The following TMC2 variants were observed in gnomAD, a reference collection of about 807,000 sequenced individuals.
TMC2 encodes transmembrane channel like 2.
TMC2 carries 102 observed loss-of-function variants against 105.9 expected under a neutral mutation model. The ratio of observed to expected loss-of-function variants is 0.96; its 90% CI spans 0.82 to 1.14. The LOEUF is 1.14. TMC2 is among the 50% of genes most tolerant of loss of function. The probability of loss-of-function intolerance (pLI) is 0.00; values close to 1 mark genes in which losing one functional copy is unlikely to be tolerated. For missense variants in TMC2, 1,093 were observed against 1,134.3 expected (o/e 0.96, Z 0.52); for synonymous variants, 402 against 422.8 (o/e 0.95, Z 0.60).
At chr20:2,605,122 T>C (rs1439958651) in intron 11 of TMC2, among the ~76,000 whole-genome samples, 1 of 152,178 alleles carries the variant, frequency 6.6e-6, no homozygotes, top group African/African-American at 2.4e-5. Context: ...GTGCTCACTC[T>C]GATTAGTGTC....
Position 2,572,223 on chromosome 20 carries a change from AG to A in TMC2, c.603del (p.Gly203AlafsTer10). The A allele has an allele frequency of 3.1e-6, 5 of 1,613,590 alleles. No individual in the cohort carries two copies. Among genetic ancestry groups the A allele is most frequent in the Non-Finnish European group, 3.4e-6 (4 of 1,179,836 alleles). ...FVEKYEGALG[K>X]GKGKQLYAYK... ...GAGAAGTATGAAGGTGCCTTGGGAA[AG>A]GGGAAAGGCAAGCAACTATATGCCT... On this transcript the variant is annotated frameshift_variant, in exon 5 of 20. Transcript: ENST00000358864. LOFTEE classifies it high-confidence loss of function.
At position 2,643,322 on chromosome 20, in the gene TMC2, C is replaced by T. The variant is rs79477844; in HGVS notation, c.*1971C>T. On this transcript the variant is annotated 3_prime_UTR_variant, in exon 20 of 20. Transcript: ENST00000358864. Reference sequence around the variant, plus strand: ...CCCAAAGATGGCCACCACACCAACACCTGGCCTTCTGCATCAGAATGCCAG... The same window carrying T: ...CCCAAAGATGGCCACCACACCAACATCTGGCCTTCTGCATCAGAATGCCAG... Among the ~76,000 whole-genome samples, 7 of 152,176 alleles carry T rather than the reference C, an allele frequency of 4.6e-5. No homozygotes were observed. The highest frequency in any genetic ancestry group is 1.7e-4 in the African/African-American group (7 of 41,410).
At chr20:2,622,367 C>T (rs2086531297) in intron 16 of TMC2, among the ~76,000 whole-genome samples, 1 of 152,092 alleles carries the variant, frequency 6.6e-6, no homozygotes, top group African/African-American at 2.4e-5. Flanking sequence ...GCTCACAGAC[C>T]ATATGAAAAC....
chr20:2,627,600 C>A (rs2086573461), intron 17 of TMC2, among the ~76,000 whole-genome samples: 1 of 152,134 alleles, frequency 6.6e-6, no homozygotes, highest in African/African-American at 2.4e-5. Flanking sequence ...CAGGGAGAAA[C>A]CCTGGAGGAA....
intron 7 of TMC2, among the ~76,000 whole-genome samples, chr20:2,587,299 G>A (rs1758949070): frequency 6.6e-6 from 1 of 152,122 alleles, no homozygotes. Flanking sequence ...AGATTGTTAT[G>A]TGGTGAATTA....
intron 17 of TMC2, 127 bp downstream of exon 17, chr20:2,624,523 G>A: frequency 8.6e-7 from 1 of 1,157,190 alleles, no homozygotes. Flanking sequence ...CCATGACAAG[G>A]ATTCAAGTGT....
intron 7 of TMC2, among the ~76,000 whole-genome samples, chr20:2,590,327 C>G (rs957034279): frequency 1.3e-5 from 2 of 152,058 alleles, no homozygotes; most frequent in African/African-American, 2.4e-5. Flanking sequence ...AGGGGCTTAT[C>G]CAGGGTACTA....
chr20:2,583,151 TATG>T lies in TMC2; in HGVS notation c.834+3098_834+3100del, dbSNP rs1189285668. 2.6e-5 allele frequency among the ~76,000 whole-genome samples: 4 copies of T among 152,250 alleles called. No individual in the cohort carries two copies. The South Asian group carries it at 8.3e-4, about 31-fold the overall frequency. On this transcript the variant is annotated intron_variant, in intron 7 of 19. Coordinates refer to ENST00000358864, the MANE Select transcript of TMC2 (RefSeq NM_080751.3). ...AAAGCTTCTGTGGAAAGCAGATTTC[TATG>T]ATAACCTCCAATGATCCTTCTCTCC...
chr20:2,593,791 CT>C (rs1351312338), intron 8 of TMC2, among the ~76,000 whole-genome samples: 2 of 152,146 alleles, frequency 1.3e-5, no homozygotes, highest in African/African-American at 4.8e-5. Context: ...GACCCTGTCA[CT>C]CCCCTACCTC....
chr20:2,557,238 C>T (rs779238945), intron 2 of TMC2, among the ~76,000 whole-genome samples: 19 of 152,152 alleles, frequency 1.2e-4, no homozygotes, highest in Admixed American at 2.0e-4. Flanking sequence ...GAAATTGTCC[C>T]ACAGTTTGGG....
At chr20:2,587,956 A>G (rs1022749332) in intron 7 of TMC2, among the ~76,000 whole-genome samples, 2 of 151,862 alleles carry the variant, frequency 1.3e-5, no homozygotes, top group Non-Finnish European at 2.9e-5. Flanking sequence ...TGCTTTTTGT[A>G]TATGTGGTAG....
intron 1 of TMC2, 114 bp downstream of exon 1, chr20:2,536,769 C>A: frequency 8.5e-7 from 1 of 1,183,298 alleles, no homozygotes; most frequent in Non-Finnish European, 1.2e-6. Flanking sequence ...GGGTTTGAGT[C>A]CAGGGCCTGT....
chr20:2,575,764 C>A (rs926146393), intron 5 of TMC2, among the ~76,000 whole-genome samples: 3 of 144,074 alleles, frequency 2.1e-5, no homozygotes, highest in Admixed American at 1.5e-4. Flanking sequence ...CTCTTTGCTT[C>A]TTTCTCTTTG....
At chr20:2,641,071 A>C in intron 19 of TMC2, 63 bp from the exon 20 acceptor site, 1 of 1,446,786 alleles carries the variant, frequency 6.9e-7, no homozygotes, top group South Asian at 1.2e-5. Context: ...GACTCCAGAG[A>C]GCTCCAATCC....
In TMC2 at chr20:2,603,224, TA is replaced by T. The variant is rs768255140; in HGVS notation, c.1413+937del. 6.4e-3 allele frequency among the ~76,000 whole-genome samples: 893 copies of T among 139,384 alleles called. 1 individual carries two copies. Among genetic ancestry groups the T allele is most frequent in the African/African-American group, 8.7e-3 (330 of 38,098 alleles). 91.4% of individuals were successfully genotyped at this position (139,384 alleles called of 152,430 possible). Reference sequence around the variant, plus strand: ...AAGAACGACCCAGTTAAGCCCAGTTTAAAAAAAAAAAAAATGCTGCCCCACA... The same window carrying T: ...AAGAACGACCCAGTTAAGCCCAGTTTAAAAAAAAAAAAATGCTGCCCCACA... On this transcript the variant is annotated intron_variant, in intron 11 of 19. Transcript: ENST00000358864.
At chr20:2,637,863 T>G (rs1198420328) in intron 19 of TMC2, among the ~76,000 whole-genome samples, 2 of 152,162 alleles carry the variant, frequency 1.3e-5, no homozygotes, top group Admixed American at 1.3e-4. Flanking sequence ...AGTAGTGCCG[T>G]CATGCACCCC....
At chr20:2,560,441 A>G (rs1191157551) in intron 3 of TMC2, among the ~76,000 whole-genome samples, 1 of 152,066 alleles carries the variant, frequency 6.6e-6, no homozygotes, top group Non-Finnish European at 1.5e-5. Flanking sequence ...CCATTTATGA[A>G]ACACACTCAG....
Position 2,612,219 on chromosome 20 carries a change from T to G in TMC2, c.1622T>G (p.Ile541Ser). The G allele has an allele frequency of 6.2e-7, 1 of 1,610,434 alleles. No individual in the cohort carries two copies. Among genetic ancestry groups the G allele is most frequent in the Non-Finnish European group, 8.5e-7 (1 of 1,178,078 alleles). ...KLANEETIKN[I>S]THWTLFNYYN... is the part of the protein sequence containing the mutation. ...GCTAATGAAGAGACAATAAAGAACA[T>G]CACTCACTGGACTCTGTTTAACTAT... Residue 541 changes from isoleucine (I) to serine (S), a missense_variant, in exon 13 of 20, where the codon ATC (isoleucine) becomes AGC (serine). Ile to Ser is a moderately radical substitution (Grantham distance 142). Coordinates refer to ENST00000358864, the MANE Select transcript of TMC2 (RefSeq NM_080751.3).
At chr20:2,598,395 T>TTTATTTAC (rs1447036125) in intron 10 of TMC2, among the ~76,000 whole-genome samples, 1 of 10,882 alleles carries the variant, frequency 9.2e-5, no homozygotes, top group East Asian at 4.4e-3. Context: ...TTGCCTCTAC[T>TTTATTTAC]TTATTTATTT....
Sources: allele counts gnomAD v4.1 joint callset (sites outside exome capture counted in the v4.1 genomes callset), GRCh38; gene constraint gnomAD v4.1.1; transcripts MANE v1.5; gene names NCBI Gene and HGNC (gene_info 2026-07-23, HGNC 2026-07-21).